The following PNPLA7 variants were observed in gnomAD, a reference collection of about 807,000 sequenced individuals.
PNPLA7 encodes patatin like domain 7, lysophospholipase.
Under a neutral mutation model 161.7 loss-of-function variants are expected in PNPLA7, and 153 were observed. That is an observed-to-expected ratio of 0.95 (90% CI 0.83 to 1.08). The LOEUF (loss-of-function observed/expected upper bound fraction) is 1.08, where lower values mean the gene tolerates loss of function less well. PNPLA7 is among the 50% of genes least tolerant of loss of function. The probability of loss-of-function intolerance (pLI) is 0.00; values close to 1 mark genes in which losing one functional copy is unlikely to be tolerated. For synonymous variants in PNPLA7, 809 were observed against 782.1 expected (o/e 1.03, Z -0.57); for missense variants, 1,739 against 1,856.6 (o/e 0.94, Z 1.16).
rs1317416482 is a variant in PNPLA7 at position 137,540,224 on chromosome 9, CT to C, written c.747+417del. On this transcript the variant is annotated intron_variant, in intron 8 of 34. Coordinates refer to ENST00000406427, the MANE Select transcript of PNPLA7 (RefSeq NM_001098537.3). This position sits in a 1 kb window ranked among gnomAD's most constrained non-coding sequence, Gnocchi z 5.1. Reference sequence around the variant, plus strand: ...CACTGCAACGACGAAAAGCAAAAGACTGGGAGCCACAGAAAGACGGCGCCAG... The same window carrying C: ...CACTGCAACGACGAAAAGCAAAAGACGGGAGCCACAGAAAGACGGCGCCAG... Among the ~76,000 whole-genome samples, 1 of 152,218 alleles carries C rather than the reference CT, an allele frequency of 6.6e-6. No individual in the cohort carries two copies. The highest frequency in any genetic ancestry group is 1.5e-5 in the Non-Finnish European group (1 of 68,040).
chr9:137,542,587 G>T, intron 7 of PNPLA7, 55 bp downstream of exon 7: 2 of 1,458,406 alleles, frequency 1.4e-6, no homozygotes, highest in Non-Finnish European at 9.1e-7. Context: ...CGAGAAGACA[G>T]ACGTGGAGGT....
At chr9:137,498,612 G>A (rs995340390) in intron 16 of PNPLA7, among the ~76,000 whole-genome samples, 1 of 152,354 alleles carries the variant, frequency 6.6e-6, no homozygotes, top group East Asian at 1.9e-4. Context: ...AGTGAGTGCC[G>A]TGAAGGGCAC....
chr9:137,479,977 A>G, intron 23 of PNPLA7: 22 of 879,580 alleles, frequency 2.5e-5, no homozygotes, highest in Non-Finnish European at 3.0e-5. Context: ...TGCTGTGGAG[A>G]AAAGCAAACT....
chr9:137,463,391 G>A, intron 29 of PNPLA7, 24 bp downstream of exon 29: 1 of 1,576,056 alleles, frequency 6.3e-7, no homozygotes. Flanking sequence ...GCTCCTGCCG[G>A]GCGTGGTCCC....
chr9:137,544,927 C>T (rs539528071), intron 4 of PNPLA7, among the ~76,000 whole-genome samples: 94 of 152,248 alleles, frequency 6.2e-4, no homozygotes, highest in African/African-American at 2.2e-3. Flanking sequence ...AGAGTACAGG[C>T]GTGAGCCACC....
intron 8 of PNPLA7, among the ~76,000 whole-genome samples, chr9:137,528,062 T>G (rs72619354): frequency 0.18 from 27,389 of 152,246 alleles, 3,016 homozygotes; most frequent in East Asian, 0.59. Context: ...TTATTAGTCC[T>G]TTTATGTCTG....
intron 11 of PNPLA7, among the ~76,000 whole-genome samples, chr9:137,516,830 A>C (rs1834599831): frequency 6.7e-6 from 1 of 150,160 alleles, no homozygotes; most frequent in Non-Finnish European, 1.5e-5. Flanking sequence ...TAGTAATAAT[A>C]ATAATTATTA....
At position 137,466,511 on chromosome 9, in the gene PNPLA7, G is replaced by A. The variant is rs375812369; in HGVS notation, c.3039+806C>T. On this transcript the variant is annotated intron_variant, in intron 26 of 34. Transcript: ENST00000406427. ...CCACCACCTCGACCATCTAAGACCCGGGCACAGATCAGACCACCTCCCACC... is the reference window on the plus strand; with the variant it reads ...CCACCACCTCGACCATCTAAGACCCAGGCACAGATCAGACCACCTCCCACC... 4.7e-4 allele frequency among the ~76,000 whole-genome samples: 69 copies of A among 148,350 alleles called. No individual in the cohort carries two copies. In the East Asian group the frequency reaches 8.0e-3, roughly 17 times the overall value.
rs2298171 is a variant in PNPLA7, at chr9:137,521,662, C to T, written c.931G>A (p.Gly311Ser). Reference protein sequence around the residue: ...VTFLALHNYLGLTTELFNAES... With the variant: ...VTFLALHNYLSLTTELFNAES... ...GCGTTGAAGAGCTCTGTGGTCAGGC[C>T]GAGGTAGTTGTGCAGAGCCAGAAAG... Residue 311 changes from glycine to serine, a missense_variant, in exon 10 of 35, where the codon GGC (glycine) becomes AGC (serine). Gly to Ser is a moderately conservative substitution (Grantham distance 56, BLOSUM62 0). Transcript: ENST00000406427. The T allele has an allele frequency of 6.1e-5, 99 of 1,612,628 alleles. No homozygotes were observed. The East Asian group carries it at 9.1e-4, about 15-fold the overall frequency.
intron 8 of PNPLA7, among the ~76,000 whole-genome samples, chr9:137,526,566 C>T (rs769680438): frequency 7.2e-5 from 11 of 152,150 alleles, no homozygotes; most frequent in African/African-American, 2.4e-4. Flanking sequence ...CGTGAGCCAC[C>T]GCGCCTGGCC....
intron 8 of PNPLA7, among the ~76,000 whole-genome samples, chr9:137,526,439 G>A (rs1835306956): frequency 6.6e-6 from 1 of 152,184 alleles, no homozygotes; most frequent in Non-Finnish European, 1.5e-5. Flanking sequence ...CACCATGCCA[G>A]GTTAATGTTT....
chr9:137,516,839 T>A (rs1006220806), intron 11 of PNPLA7, among the ~76,000 whole-genome samples: 8 of 150,106 alleles, frequency 5.3e-5, no homozygotes, highest in East Asian at 3.9e-4. Context: ...TAATAATTAT[T>A]ATTATTATTA....
At chr9:137,474,856 CA>C (rs750987273) in intron 25 of PNPLA7, among the ~76,000 whole-genome samples, 2,444 of 107,236 alleles carry the variant, frequency 0.023, 24 homozygotes, top group African/African-American at 0.041. Context: ...ACTAAAAATA[CA>C]AAAAAAAAAA....
chr9:137,521,555 C>A lies in PNPLA7; in HGVS notation c.957+81G>T. Reference sequence around the variant, plus strand: ...TGGCACTGCCCCACCAGGCACTGGGCGCCTGCCGTGCCAACCAATAGCTGT... The same window carrying A: ...TGGCACTGCCCCACCAGGCACTGGGAGCCTGCCGTGCCAACCAATAGCTGT... On this transcript the variant is annotated intron_variant, in intron 10 of 34. Transcript: ENST00000406427. The A allele has an allele frequency of 2.2e-6, 3 of 1,387,596 alleles. No homozygotes were observed. The South Asian group carries it at 3.6e-5, about 17-fold the overall frequency. The allele number at this position is 1,387,596 out of a possible 1,614,324, so 86.0% of individuals were successfully genotyped here. A position where few individuals can be genotyped will look rare whatever the true frequency, so the allele number is the denominator to read the frequency against.
At chr9:137,479,931 G>A (rs1832129312) in intron 23 of PNPLA7, 3 of 978,138 alleles carry the variant, frequency 3.1e-6, no homozygotes, top group Non-Finnish European at 2.4e-6. Flanking sequence ...GCCAGAAAAA[G>A]CAGTGAGAGG....
At chr9:137,475,010 C>CAAAAAAAAAAAAAAAAAAAAAAAAAAAAA (rs58417100) in intron 25 of PNPLA7, among the ~76,000 whole-genome samples, 4 of 63,618 alleles carry the variant, frequency 6.3e-5, no homozygotes, top group African/African-American at 2.0e-4. Context: ...GACTCTGCCT[C>CAAAAAAAAAAAAAAAAAAAAAAAAAAAAA]AAAAAAAAAA....
chr9:137,543,282 C>T lies in PNPLA7; in HGVS notation c.506+150G>A, dbSNP rs970317173. On this transcript the variant is annotated intron_variant, in intron 6 of 34. Coordinates refer to ENST00000406427, the MANE Select transcript of PNPLA7 (RefSeq NM_001098537.3). The surrounding 1 kb of genome is among the most constrained non-coding windows in gnomAD (Gnocchi z 6.9). ...TGAAGGAGCCAGCAGACCACGAGGC[C>T]CCGCCACGGGGCACAGACACCAGCA... The T allele has an allele frequency of 2.0e-6, 2 of 984,466 alleles. No individual in the cohort carries two copies. Among genetic ancestry groups the T allele is most frequent in the African/African-American group, 3.3e-5 (2 of 61,232 alleles). 61.0% of individuals were successfully genotyped at this position (984,466 alleles called of 1,614,324 possible).
intron 33 of PNPLA7, 118 bp downstream of exon 33, chr9:137,461,417 TG>T: frequency 9.9e-7 from 1 of 1,012,666 alleles, no homozygotes; most frequent in Non-Finnish European, 1.3e-6. Context: ...TGCTGGAGCC[TG>T]GGCGTGGACG....
intron 11 of PNPLA7, chr9:137,516,300 C>T (rs1163104392): frequency 1.0e-6 from 1 of 983,090 alleles, no homozygotes; most frequent in Non-Finnish European, 1.2e-6. Flanking sequence ...CTGCATCTGC[C>T]CCTCAGGTGA....
Sources: allele counts gnomAD v4.1 joint callset (sites outside exome capture counted in the v4.1 genomes callset), GRCh38; gene constraint gnomAD v4.1.1; non-coding constraint Gnocchi (gnomAD v3.1); transcripts MANE v1.5; gene names NCBI Gene and HGNC (gene_info 2026-07-23, HGNC 2026-07-21).